Variants in CACNA1D observed in about 807,000 individuals in gnomAD.
CACNA1D encodes voltage-dependent L-type calcium channel subunit alpha-1D.
Under a neutral mutation model 257.1 loss-of-function variants are expected in CACNA1D, and 55 were observed. The ratio of observed to expected loss-of-function variants is 0.21; its 90% confidence interval spans 0.17 to 0.27. The LOEUF (loss-of-function observed/expected upper bound fraction) is 0.27. Ranked by LOEUF, CACNA1D falls within the 10% of genes least tolerant of loss-of-function variation. CACNA1D has a pLI of 1.00. For missense variants in CACNA1D, 1,876 were observed against 2,784.0 expected (o/e 0.67, Z 7.34); for synonymous variants, 980 against 1,014.9 (o/e 0.97, Z 0.65).
At position 53,702,673 on chromosome 3, in the gene CACNA1D, C is replaced by G. The variant is rs534056940; in HGVS notation, c.1253C>G (p.Ala418Gly). ...EFSKEREKAK[A>G]RGDFQKLREK... ...TCAAAGGAAAGAGAGAAGGCAAAAGCACGGGGAGATTTCCAGAAGCTCCGG... is the reference window on the plus strand; with the variant it reads ...TCAAAGGAAAGAGAGAAGGCAAAAGGACGGGGAGATTTCCAGAAGCTCCGG... The change falls in exon 9 of 48, where the codon GCA (alanine) becomes GGA (glycine). Residue 418 changes from alanine to glycine, a missense_variant. Physicochemically the swap from Ala to Gly is moderately conservative, Grantham distance 60. Around this residue, in one of 10 missense-constraint regions of CACNA1D, gnomAD observed 188 missense variants for 390.4 expected, o/e 0.48. Coordinates refer to ENST00000350061, the MANE Select transcript of CACNA1D (RefSeq NM_001128840.3). The G allele has an allele frequency of 6.2e-7, 1 of 1,614,146 alleles. No individual in the cohort carries two copies. The highest frequency in any genetic ancestry group is 1.3e-5 in the African/African-American group (1 of 75,040).
chr3:53,630,212 C>T (rs1449041541), intron 3 of CACNA1D, among the ~76,000 whole-genome samples: 1 of 152,228 alleles, frequency 6.6e-6, no homozygotes, highest in Non-Finnish European at 1.5e-5. Context: ...ATCAGCATAT[C>T]CACTTGCTTG....
intron 3 of CACNA1D, among the ~76,000 whole-genome samples, chr3:53,509,809 G>A (rs893896855): frequency 1.2e-4 from 19 of 152,176 alleles, no homozygotes; most frequent in African/African-American, 2.7e-4. Flanking sequence ...GAGGGCTGAC[G>A]CTGAATCCTT....
rs776649485 is a variant in CACNA1D, at chr3:53,744,774, G to T, written c.2953G>T (p.Val985Phe). 3 of 1,610,550 alleles carry T rather than the reference G, an allele frequency of 1.9e-6. No individual in the cohort carries two copies. The Admixed American group carries it at 5.0e-5, about 27-fold the overall frequency. ...CATCTCCGTTGTGAAGATTCTGAGG[G>T]TCTTAAGGGTCCTGCGTCCCCTCAG... Reference protein sequence around the residue: ...SAISVVKILRVLRVLRPLRAI... With the variant: ...SAISVVKILRFLRVLRPLRAI... The change falls in exon 23 of 48, where the codon GTC (valine) becomes TTC (phenylalanine). Residue 985 changes from valine to phenylalanine, a missense_variant. Transcript: ENST00000350061.
chr3:53,714,320 T>C (rs1425913760), intron 9 of CACNA1D, among the ~76,000 whole-genome samples: 1 of 152,142 alleles, frequency 6.6e-6, no homozygotes, highest in African/African-American at 2.4e-5. Flanking sequence ...CAATTAACAC[T>C]GAATCCCTGC....
chr3:53,517,533 G>C (rs1229807167), intron 3 of CACNA1D, among the ~76,000 whole-genome samples: 1 of 151,160 alleles, frequency 6.6e-6, no homozygotes, highest in Admixed American at 6.6e-5. Flanking sequence ...ACCCAGGCTG[G>C]AGTGCAGTGG....
At chr3:53,687,289 T>G (rs2094481578) in intron 8 of CACNA1D, among the ~76,000 whole-genome samples, 1 of 152,054 alleles carries the variant, frequency 6.6e-6, no homozygotes, top group African/African-American at 2.4e-5. Context: ...AACTAATATA[T>G]AATTGCAAAT....
At chr3:53,698,481 T>C (rs1415972908) in intron 8 of CACNA1D, among the ~76,000 whole-genome samples, 2 of 152,266 alleles carry the variant, frequency 1.3e-5, no homozygotes, top group Non-Finnish European at 2.9e-5. Flanking sequence ...GAATTAGTTT[T>C]GTCTTTCTCC....
chr3:53,645,930 G>A (rs1233994339), intron 3 of CACNA1D, among the ~76,000 whole-genome samples: 5 of 152,238 alleles, frequency 3.3e-5, no homozygotes, highest in Non-Finnish European at 7.3e-5. Flanking sequence ...ATCAGTGGCT[G>A]AGTTGGGACT....
At chr3:53,704,484 A>G (rs894209833) in intron 9 of CACNA1D, among the ~76,000 whole-genome samples, 3 of 152,232 alleles carry the variant, frequency 2.0e-5, no homozygotes, top group African/African-American at 7.2e-5. Flanking sequence ...ATAGACATTC[A>G]TGTGAGTCTC....
intron 11 of CACNA1D, among the ~76,000 whole-genome samples, chr3:53,720,274 G>A (rs147995107): frequency 2.6e-5 from 4 of 152,148 alleles, no homozygotes; most frequent in African/African-American, 9.6e-5. Flanking sequence ...CTTAAAATAG[G>A]CAAAGACCTA....
intron 40 of CACNA1D, among the ~76,000 whole-genome samples, chr3:53,796,769 T>G (rs1033330173): frequency 6.6e-6 from 1 of 152,240 alleles, no homozygotes; most frequent in Non-Finnish European, 1.5e-5. Flanking sequence ...AAATTATTTA[T>G]GATAACATCT....
chr3:53,769,002 C>A (rs2095350969), intron 30 of CACNA1D, among the ~76,000 whole-genome samples: 1 of 152,264 alleles, frequency 6.6e-6, no homozygotes, highest in African/African-American at 2.4e-5. Flanking sequence ...GAGGCTGGCA[C>A]ATGCTGGCTC....
At chr3:53,631,165 T>C (rs2093819015) in intron 3 of CACNA1D, among the ~76,000 whole-genome samples, 1 of 152,242 alleles carries the variant, frequency 6.6e-6, no homozygotes, top group African/African-American at 2.4e-5. Flanking sequence ...AAGATTTCTC[T>C]GTAGCATGGG....
chr3:53,652,552 A>G (rs2094108622), intron 4 of CACNA1D, among the ~76,000 whole-genome samples: 1 of 152,226 alleles, frequency 6.6e-6, no homozygotes, highest in African/African-American at 2.4e-5. Flanking sequence ...AGGGAGCTGT[A>G]AAATGAATAA....
In CACNA1D at chr3:53,706,291, G is replaced by A. The variant is rs193091224; in HGVS notation, c.1390+3481G>A. The stretch of plus-strand genomic sequence containing the variant: ...CTGATAGCCGAGCCTCAGCCTAGAT[G>A]AGCAGAAGTGGGTGTAGGAAGTCAT... On this transcript the variant is annotated intron_variant, in intron 9 of 47. Transcript: ENST00000350061. Among the ~76,000 whole-genome samples the A allele has an allele frequency of 1.7e-4, 26 of 152,332 alleles. No homozygotes were observed. The East Asian group carries it at 3.1e-3, about 18-fold the overall frequency.
At chr3:53,725,999 A>G (rs759831755) in intron 14 of CACNA1D, among the ~76,000 whole-genome samples, 1 of 152,208 alleles carries the variant, frequency 6.6e-6, no homozygotes, top group African/African-American at 2.4e-5. Context: ...GTAAATTTAC[A>G]TGAGACATTT....
At position 53,666,421 on chromosome 3, in the gene CACNA1D, G is replaced by A. The variant is rs1576288090; in HGVS notation, c.1002G>A (p.Arg334=). 6.2e-7 allele frequency: 1 copy of A among 1,614,194 alleles called. No homozygotes were observed. The highest frequency in any genetic ancestry group is 1.1e-5 in the South Asian group (1 of 91,080). ...GTACTGCCAATGGCACGGAATGTAG[G>A]AGTGGCTGGGTTGGCCCGAACGGAG... ...RQCTANGTEC[R]SGWVGPNGGI... The change falls in exon 7 of 48, where the codon AGG becomes AGA. Residue 334 remains arginine (R), a synonymous_variant. Coordinates refer to ENST00000350061, the MANE Select transcript of CACNA1D (RefSeq NM_001128840.3).
chr3:53,501,605 A>T lies in CACNA1D; in HGVS notation c.378-10A>T. 6.9e-7 allele frequency: 1 copy of T among 1,447,616 alleles called. No individual in the cohort carries two copies. Among genetic ancestry groups the T allele is most frequent in the Non-Finnish European group, 9.7e-7 (1 of 1,030,350 alleles). 89.7% of individuals were successfully genotyped at this position (1,447,616 alleles called of 1,614,324 possible). On this transcript the variant is annotated splice_polypyrimidine_tract_variant and intron_variant, in intron 2 of 47. Transcript: ENST00000350061. ...CCATAACACATATATACCTTAACAC[A>T]TTTTTTCAGACCATTTGACATATTT...
intron 10 of CACNA1D, chr3:53,718,592 C>A: frequency 1.1e-6 from 1 of 883,284 alleles, no homozygotes; most frequent in Admixed American, 2.0e-5. Context: ...GCCCCCCCGC[C>A]CCCCGGCCCA....
Sources: gnomAD v4.1 joint callset for allele counts (sites outside exome capture counted in the v4.1 genomes callset) on GRCh38, gnomAD v4.1.1 for gene constraint, gnomAD v4.1.1 regional missense constraint, MANE v1.5 for transcripts, NCBI Gene and HGNC (gene_info 2026-07-23, HGNC 2026-07-21) for gene names.